The following ATRNL1 variants were observed in gnomAD, a reference collection of about 807,000 sequenced individuals.
The protein encoded by ATRNL1 is attractin like 1, also known as attractin-like protein 1.
ATRNL1 carries 95 observed loss-of-function variants against 182.7 expected under a neutral mutation model. The observed-to-expected ratio is 0.52, with a 90% CI of 0.44 to 0.62. ATRNL1 has a LOEUF of 0.62. ATRNL1 is among the 20% of genes least tolerant of loss of function. The pLI is 0.00. For missense variants in ATRNL1, 1,471 were observed against 1,679.5 expected, an observed-to-expected ratio of 0.88 and a Z score of 2.17; for synonymous variants, 576 against 568.3, an observed-to-expected ratio of 1.01 and a Z score of -0.19.
At chr10:115,177,312 G>A (rs1044611532) in intron 8 of ATRNL1, among the ~76,000 whole-genome samples, 3 of 152,104 alleles carry the variant, frequency 2.0e-5, no homozygotes, top group Non-Finnish European at 4.4e-5. Context: ...AGAAGTAGAA[G>A]TGGAAATGAT....
intron 24 of ATRNL1, among the ~76,000 whole-genome samples, chr10:115,496,400 G>A (rs937520345): frequency 1.9e-4 from 29 of 152,140 alleles, no homozygotes; most frequent in Admixed American, 1.6e-3. Context: ...TTATTTGCTT[G>A]TGTGAAAAGT....
chr10:115,715,910 C>T (rs1210513890), intron 26 of ATRNL1, among the ~76,000 whole-genome samples: 1 of 152,130 alleles, frequency 6.6e-6, no homozygotes, highest in African/African-American at 2.4e-5. Context: ...GTATTCCTTC[C>T]AAATCTGGGA....
intron 26 of ATRNL1, among the ~76,000 whole-genome samples, chr10:115,570,198 G>A (rs1854308391): frequency 6.6e-6 from 1 of 152,116 alleles, no homozygotes; most frequent in East Asian, 1.9e-4. Flanking sequence ...TCCTGACCTT[G>A]TGCTCCACCA....
chr10:115,175,689 A>C (rs1027571073), intron 8 of ATRNL1, among the ~76,000 whole-genome samples: 6 of 152,096 alleles, frequency 3.9e-5, no homozygotes, highest in African/African-American at 1.4e-4. Flanking sequence ...AAACCCAACA[A>C]ATTTTTTATA....
At chr10:115,370,578 A>G (rs1554947722) in intron 19 of ATRNL1, among the ~76,000 whole-genome samples, 1 of 152,176 alleles carries the variant, frequency 6.6e-6, no homozygotes, top group East Asian at 1.9e-4. Context: ...AGATTTGTGG[A>G]ACTTTGAACT....
chr10:115,111,721 G>A (rs1554868116), intron 1 of ATRNL1, among the ~76,000 whole-genome samples: 1 of 152,140 alleles, frequency 6.6e-6, no homozygotes, highest in East Asian at 1.9e-4. Flanking sequence ...TTCAGTGTAA[G>A]GTTTGGAGGA....
intron 16 of ATRNL1, 59 bp downstream of exon 16, chr10:115,300,306 T>C: frequency 7.2e-7 from 1 of 1,380,850 alleles, no homozygotes; most frequent in Non-Finnish European, 1.0e-6. Flanking sequence ...CATCTTCTCA[T>C]TCCTTCCTTC....
intron 20 of ATRNL1, among the ~76,000 whole-genome samples, chr10:115,409,964 C>T (rs1554959469): frequency 6.6e-6 from 1 of 152,036 alleles, no homozygotes; most frequent in Non-Finnish European, 1.5e-5. Context: ...AATGCTCTTT[C>T]TGCATCTTTT....
intron 9 of ATRNL1, among the ~76,000 whole-genome samples, chr10:115,219,055 T>C (rs1294962503): frequency 2.0e-5 from 3 of 151,828 alleles, no homozygotes; most frequent in African/African-American, 7.3e-5. Context: ...GCCAATATGG[T>C]GAAACCCCAT....
At position 115,662,174 on chromosome 10, in the gene ATRNL1, A is replaced by G. The variant is rs369612164; in HGVS notation, c.3796-65074A>G. On this transcript the variant is annotated intron_variant, in intron 26 of 28. Transcript: ENST00000355044. ...GTGCCACATTTTCTTAATCCAGTCT[A>G]TCATTGTTGGACATTTGGCTTGGTT... Among the ~76,000 whole-genome samples, 22 of 151,894 alleles carry G rather than the reference A, an allele frequency of 1.4e-4. No individual in the cohort carries two copies. The East Asian group carries it at 3.3e-3, about 23-fold the overall frequency.
intron 8 of ATRNL1, among the ~76,000 whole-genome samples, chr10:115,205,295 A>G (rs2144339265): frequency 6.6e-6 from 1 of 151,768 alleles, no homozygotes; most frequent in Admixed American, 6.6e-5. Context: ...GTTTTTTTTC[A>G]ATGTGGCAGA....
rs1555014403 is a variant in ATRNL1 at position 115,597,553 on chromosome 10, A to G, written c.3795+48017A>G. On this transcript the variant is annotated intron_variant, in intron 26 of 28. Coordinates refer to ENST00000355044, the MANE Select transcript of ATRNL1 (RefSeq NM_207303.4). ...AACTTTGTAAACATTACATGAAACA[A>G]TTCATTTATGGGAGCTTTTTTTTTT... 5 of 395,458 alleles carry G rather than the reference A, an allele frequency of 1.3e-5. No homozygotes were observed. In the East Asian group the frequency reaches 3.3e-4, roughly 26 times the overall value. The allele number at this position is 395,458 out of a possible 1,614,324, so 24.5% of individuals were successfully genotyped here. A position where few individuals can be genotyped will look rare whatever the true frequency, so the allele number is the denominator to read the frequency against.
At chr10:115,730,632 G>A (rs1038422943) in intron 27 of ATRNL1, among the ~76,000 whole-genome samples, 2 of 151,860 alleles carry the variant, frequency 1.3e-5, no homozygotes, top group Non-Finnish European at 1.5e-5. Flanking sequence ...TTGCTAGATC[G>A]GCAGTTGAGG....
At chr10:115,748,726 C>A (rs534681600) in intron 27 of ATRNL1, among the ~76,000 whole-genome samples, 41 of 152,042 alleles carry the variant, frequency 2.7e-4, no homozygotes, top group African/African-American at 9.6e-4. Flanking sequence ...AATGTTTGTG[C>A]TGTCTACTCT....
intron 8 of ATRNL1, among the ~76,000 whole-genome samples, chr10:115,172,544 C>G (rs994149562): frequency 2.0e-5 from 3 of 152,060 alleles, no homozygotes; most frequent in Non-Finnish European, 2.9e-5. Flanking sequence ...GCCACTCTCT[C>G]CATTGTTACG....
intron 21 of ATRNL1, 129 bp downstream of exon 21, chr10:115,426,431 A>G (rs1554962931): frequency 3.2e-6 from 2 of 619,598 alleles, no homozygotes; most frequent in South Asian, 2.5e-5. Flanking sequence ...ATTTTATAAT[A>G]CAACTTTACG....
At chr10:115,893,028 A>G (rs1952117883) in intron 28 of ATRNL1, among the ~76,000 whole-genome samples, 1 of 152,212 alleles carries the variant, frequency 6.6e-6, no homozygotes, top group Admixed American at 6.5e-5. Context: ...GAGAATTTCC[A>G]TAAACAGACT....
intron 8 of ATRNL1, among the ~76,000 whole-genome samples, chr10:115,210,663 A>G (rs569488428): frequency 6.6e-6 from 1 of 151,286 alleles, no homozygotes; most frequent in Non-Finnish European, 1.5e-5. Context: ...TTTTCTCTTT[A>G]CTTGCTTCCT....
rs566517089 is a variant in ATRNL1, at chr10:115,856,830, G to A, written c.4018+8839G>A. Among the ~76,000 whole-genome samples the A allele has an allele frequency of 2.2e-3, 335 of 152,154 alleles. 3 individuals are homozygous for A. Among genetic ancestry groups the A allele is most frequent in the African/African-American group, 7.3e-3 (305 of 41,508 alleles). ...TTCTGCTGTGAGTGCTGTGAGGCCC[G>A]GTTCTCAATAGGCTACAGGCTGGTA... On this transcript the variant is annotated intron_variant, in intron 28 of 28. Transcript: ENST00000355044.
Sources: allele counts gnomAD v4.1 joint callset (sites outside exome capture counted in the v4.1 genomes callset), GRCh38; gene constraint gnomAD v4.1.1; transcripts MANE v1.5; gene names NCBI Gene and HGNC (gene_info 2026-07-23, HGNC 2026-07-21).